Variants in SLC39A11 observed in about 807,000 individuals in gnomAD.
SLC39A11 encodes the protein zinc transporter ZIP11.
Under a neutral mutation model 36.1 loss-of-function variants are expected in SLC39A11, and 33 were observed. The observed-to-expected ratio is 0.91, with a 90% CI of 0.69 to 1.22. The LOEUF is 1.22. SLC39A11 is among the 50% of genes most tolerant of loss of function. The probability of loss-of-function intolerance (pLI) is 0.00; values close to 1 mark genes in which losing one functional copy is unlikely to be tolerated. For missense variants in SLC39A11, 432 were observed against 430.3 expected (o/e 1.00, Z -0.03); for synonymous variants, 166 against 170.3 (o/e 0.97, Z 0.20).
intron 6 of SLC39A11, among the ~76,000 whole-genome samples, chr17:72,791,860 C>G (rs1218261351): frequency 6.6e-6 from 1 of 152,202 alleles, no homozygotes; most frequent in East Asian, 1.9e-4. Flanking sequence ...CCCCTTCCAC[C>G]ATGATTGTAA....
chr17:72,908,328 C>A (rs2082771661), intron 5 of SLC39A11, among the ~76,000 whole-genome samples: 1 of 152,158 alleles, frequency 6.6e-6, no homozygotes, highest in South Asian at 2.1e-4. Flanking sequence ...TGGCAGGGAG[C>A]AATCCTGGGA....
intron 6 of SLC39A11, among the ~76,000 whole-genome samples, chr17:72,783,106 AGATTCTCACCAGAAAGCAGAT>A (rs71154919): frequency 0.25 from 36,617 of 148,824 alleles, 4,945 homozygotes; most frequent in Middle Eastern, 0.32. Flanking sequence ...ACCAGAAAGC[AGATTCTCACCAGAAAGCAGAT>A]GATTCTCACC....
intron 5 of SLC39A11, among the ~76,000 whole-genome samples, chr17:72,945,791 G>A (rs1007568060): frequency 6.6e-6 from 1 of 152,172 alleles, no homozygotes; most frequent in Non-Finnish European, 1.5e-5. Context: ...CCCAGAGGCT[G>A]TCCTGCAGAG....
chr17:72,699,018 A>G (rs2144540079), intron 7 of SLC39A11, among the ~76,000 whole-genome samples: 1 of 152,124 alleles, frequency 6.6e-6, no homozygotes, highest in South Asian at 2.1e-4. Flanking sequence ...TTTAGTAGAG[A>G]CGGGGTTTCA....
intron 6 of SLC39A11, among the ~76,000 whole-genome samples, chr17:72,774,280 C>T (rs1377671987): frequency 6.6e-6 from 1 of 152,166 alleles, no homozygotes; most frequent in African/African-American, 2.4e-5. Flanking sequence ...GGACAGTGAC[C>T]ACCAAACTCT....
chr17:72,701,183 G>C (rs2072598885), intron 7 of SLC39A11, among the ~76,000 whole-genome samples: 1 of 152,218 alleles, frequency 6.6e-6, no homozygotes, highest in Non-Finnish European at 1.5e-5. Context: ...GCATGGTTTT[G>C]GCACTGCCAA....
chr17:72,954,074 T>A (rs2086072790), intron 4 of SLC39A11, among the ~76,000 whole-genome samples: 1 of 152,114 alleles, frequency 6.6e-6, no homozygotes, highest in Non-Finnish European at 1.5e-5. Context: ...AGAGACAGAG[T>A]CTCACTCTGT....
intron 6 of SLC39A11, among the ~76,000 whole-genome samples, chr17:72,741,163 T>C (rs1025157657): frequency 6.6e-6 from 1 of 152,078 alleles, no homozygotes; most frequent in African/African-American, 2.4e-5. Flanking sequence ...AGTAGTACAG[T>C]GGGCTGTAGT....
intron 6 of SLC39A11, among the ~76,000 whole-genome samples, chr17:72,754,732 G>A (rs1201501366): frequency 1.3e-5 from 2 of 152,192 alleles, no homozygotes; most frequent in African/African-American, 4.8e-5. Flanking sequence ...CTTGGGAGCA[G>A]ACCAATGCTG....
At chr17:73,091,459 T>A (rs1357912743) in intron 1 of SLC39A11, among the ~76,000 whole-genome samples, 1 of 151,622 alleles carries the variant, frequency 6.6e-6, no homozygotes, top group Non-Finnish European at 1.5e-5. Context: ...AAAATAAAAA[T>A]AAATAAATAA....
At chr17:72,711,294 T>C (rs1230831822) in intron 7 of SLC39A11, among the ~76,000 whole-genome samples, 1 of 152,162 alleles carries the variant, frequency 6.6e-6, no homozygotes, top group Non-Finnish European at 1.5e-5. Flanking sequence ...ACTAAGCTTC[T>C]GGCCAAAAAA....
intron 6 of SLC39A11, among the ~76,000 whole-genome samples, chr17:72,788,808 G>A (rs2076601764): frequency 6.6e-6 from 1 of 152,242 alleles, no homozygotes; most frequent in South Asian, 2.1e-4. Context: ...CAGATGCTGT[G>A]TATTAAGACT....
At chr17:72,754,263 C>A (rs746535783) in intron 6 of SLC39A11, among the ~76,000 whole-genome samples, 13 of 151,810 alleles carry the variant, frequency 8.6e-5, no homozygotes, top group Admixed American at 3.3e-4. Context: ...CAAAGGCATA[C>A]GAATGACACA....
chr17:72,943,949 G>C (rs1029048779), intron 5 of SLC39A11, among the ~76,000 whole-genome samples: 1 of 152,180 alleles, frequency 6.6e-6, no homozygotes, highest in African/African-American at 2.4e-5. Flanking sequence ...TGCTGGGACA[G>C]AGGAGTGGGA....
intron 3 of SLC39A11, among the ~76,000 whole-genome samples, chr17:73,073,487 C>A (rs1467806123): frequency 6.6e-6 from 1 of 152,192 alleles, no homozygotes; most frequent in Non-Finnish European, 1.5e-5. Context: ...CACTGTCTCA[C>A]CTCTTTGTTG....
chr17:72,923,413 T>C (rs1221221767), intron 5 of SLC39A11, among the ~76,000 whole-genome samples: 1 of 152,140 alleles, frequency 6.6e-6, no homozygotes, highest in Non-Finnish European at 1.5e-5. Context: ...CCTGCATATA[T>C]ACAAAGAGCC....
intron 2 of SLC39A11, among the ~76,000 whole-genome samples, chr17:73,086,262 G>A (rs2144850043): frequency 6.6e-6 from 1 of 152,072 alleles, no homozygotes; most frequent in Admixed American, 6.5e-5. Context: ...CTTATATTAG[G>A]TTGGTGCAAA....
At chr17:72,820,080 C>T (rs1174446821) in intron 6 of SLC39A11, among the ~76,000 whole-genome samples, 1 of 151,342 alleles carries the variant, frequency 6.6e-6, no homozygotes, top group East Asian at 1.9e-4. Context: ...AGCCAGAAAA[C>T]AAGTGACTTC....
chr17:72,932,617 T>G (rs1281317628), intron 5 of SLC39A11, among the ~76,000 whole-genome samples: 1 of 152,050 alleles, frequency 6.6e-6, no homozygotes, highest in African/African-American at 2.4e-5. Flanking sequence ...CTCCAAAGTT[T>G]CCAATATGGG....
Sources: allele counts gnomAD v4.1 joint callset (sites outside exome capture counted in the v4.1 genomes callset), GRCh38; gene constraint gnomAD v4.1.1; transcripts MANE v1.5; gene names NCBI Gene and HGNC (gene_info 2026-07-23, HGNC 2026-07-21).